Variants in PACSIN2 observed in about 807,000 individuals in gnomAD.
PACSIN2 encodes protein kinase C and casein kinase substrate in neurons protein 2.
In PACSIN2, 25 loss-of-function variants were observed where a neutral mutation model predicts 63.8. The observed-to-expected ratio is 0.39, with a 90% CI of 0.29 to 0.55. The LOEUF is 0.55. Ranked by LOEUF, PACSIN2 falls within the 20% of genes least tolerant of loss-of-function variation. The probability of loss-of-function intolerance (pLI) is 0.62; values close to 1 mark genes in which losing one functional copy is unlikely to be tolerated. For synonymous variants in PACSIN2, 255 were observed against 256.2 expected, an observed-to-expected ratio of 1.00 and a Z score of 0.05; for missense variants, 518 against 646.9, an observed-to-expected ratio of 0.80 and a Z score of 2.16.
intron 2 of PACSIN2, among the ~76,000 whole-genome samples, chr22:42,903,846 G>C (rs1297064426): frequency 6.6e-6 from 1 of 152,120 alleles, no homozygotes; most frequent in South Asian, 2.1e-4. Flanking sequence ...GGGGTTTTCA[G>C]TTCTTGCTCC....
intron 2 of PACSIN2, among the ~76,000 whole-genome samples, chr22:42,910,905 C>T (rs6002973): frequency 0.21 from 31,091 of 151,196 alleles, 5,409 homozygotes; most frequent in East Asian, 0.72. Flanking sequence ...TCAGTTAACA[C>T]ATAATTTTTT....
At chr22:42,924,519 GCAGAGTAAAAGCC>G (rs1284096416) in intron 1 of PACSIN2, among the ~76,000 whole-genome samples, 1 of 151,978 alleles carries the variant, frequency 6.6e-6, no homozygotes, top group Admixed American at 6.6e-5. Context: ...AGCCCCCCAT[GCAGAGTAAAAGCC>G]CAGGTCCTCC....
Position 42,888,891 on chromosome 22 carries a change from AAG to A in PACSIN2, c.454-95_454-94del, listed in dbSNP as rs1929692097. 6.1e-6 allele frequency: 8 copies of A among 1,314,114 alleles called. No individual in the cohort carries two copies. The East Asian group carries it at 1.8e-4, about 30-fold the overall frequency. 81.4% of individuals were successfully genotyped at this position (1,314,114 alleles called of 1,614,324 possible). ...AGACCATGGGAATGCTTGTGCTACC[AAG>A]AGGGGAGAAAAAGGCAGGTACAAAA... is the stretch of plus-strand genomic sequence containing the variant. On this transcript the variant is annotated intron_variant, in intron 4 of 10. Transcript: ENST00000263246.
At chr22:42,926,422 C>T (rs1258842618) in intron 1 of PACSIN2, among the ~76,000 whole-genome samples, 1 of 152,044 alleles carries the variant, frequency 6.6e-6, no homozygotes, top group African/African-American at 2.4e-5. Context: ...CTCATTGTTG[C>T]TATAGAAACC....
intron 1 of PACSIN2, among the ~76,000 whole-genome samples, chr22:42,963,509 A>T (rs976111552): frequency 3.3e-5 from 5 of 152,222 alleles, no homozygotes; most frequent in African/African-American, 9.7e-5. Context: ...ACAGGACAGG[A>T]TCCAGCAAGG....
At chr22:42,981,824 G>C (rs1437142341) in intron 1 of PACSIN2, among the ~76,000 whole-genome samples, 1 of 125,500 alleles carries the variant, frequency 8.0e-6, no homozygotes, top group Admixed American at 7.4e-5. Context: ...GGAGGGAGGT[G>C]GGGGGTCAGC....
chr22:42,879,148 G>C lies in PACSIN2; in HGVS notation c.928C>G (p.Arg310Gly), dbSNP rs758769216. Residue 310 changes from arginine (R) to glycine (G), a missense_variant, in exon 8 of 11, where the codon CGA becomes GGA. Physicochemically the swap from Arg to Gly is moderately radical, Grantham distance 125 (BLOSUM62 -2). This residue lies in a region of PACSIN2 where 507 missense variants were observed against 612.3 expected (regional missense o/e 0.83). Coordinates refer to ENST00000263246, the MANE Select transcript of PACSIN2 (RefSeq NM_001184970.3). The part of the protein sequence containing the change: ...QFEEWSADLN[R>G]TLSRREKKKA... The stretch of plus-strand genomic sequence containing the variant: ...TTCTTCTCTCTCCGGCTGAGGGTTC[G>C]ATTCAGGTCTGCGGACCACTCCTAG... 1.9e-6 allele frequency: 3 copies of C among 1,613,954 alleles called. No homozygotes were observed. Among genetic ancestry groups the C allele is most frequent in the Admixed American group, 1.7e-5 (1 of 60,002 alleles).
intron 1 of PACSIN2, among the ~76,000 whole-genome samples, chr22:43,011,843 C>G (rs1390340546): frequency 6.6e-6 from 1 of 152,174 alleles, no homozygotes; most frequent in Non-Finnish European, 1.5e-5. Flanking sequence ...AAAACCCCAT[C>G]TCTATTAAAA....
intron 1 of PACSIN2, among the ~76,000 whole-genome samples, chr22:42,924,602 C>T (rs1004131778): frequency 2.0e-5 from 3 of 152,070 alleles, no homozygotes; most frequent in African/African-American, 7.3e-5. Flanking sequence ...CTCTCCAACC[C>T]GCCACCACTG....
In PACSIN2 at chr22:42,889,489, CAG is replaced by C. The variant is rs138576311; in HGVS notation, c.454-693_454-692del. 2.0e-3 allele frequency among the ~76,000 whole-genome samples: 304 copies of C among 152,056 alleles called. 17 individuals carry two copies. In the East Asian group the frequency reaches 0.055, roughly 27 times the overall value. ...TTATTAGCAAAGGCCTCATGAGACA[CAG>C]ACAGTTTCATTATGAATGGGGCCAG... On this transcript the variant is annotated intron_variant, in intron 4 of 10. Transcript: ENST00000263246.
intron 2 of PACSIN2, among the ~76,000 whole-genome samples, chr22:42,907,116 C>G: frequency 6.6e-6 from 1 of 152,326 alleles, no homozygotes; most frequent in South Asian, 2.1e-4. Flanking sequence ...GGCAGGGTCA[C>G]AGATCTTTGT....
intron 3 of PACSIN2, among the ~76,000 whole-genome samples, chr22:42,892,283 G>A (rs1305074921): frequency 6.6e-6 from 1 of 152,178 alleles, no homozygotes; most frequent in African/African-American, 2.4e-5. Context: ...CACAGGGACA[G>A]TGACCAAGTG....
chr22:42,876,818 C>A (rs1322149446), intron 9 of PACSIN2, 70 bp downstream of exon 9: 2 of 1,580,028 alleles, frequency 1.3e-6, no homozygotes, highest in Non-Finnish European at 1.7e-6. Flanking sequence ...GGGTGAGACC[C>A]CTGGACAGAG....
At position 42,935,250 on chromosome 22, in the gene PACSIN2, TCA is replaced by T. The variant is rs1276038539; in HGVS notation, c.-77-23095_-77-23094del. Among the ~76,000 whole-genome samples the T allele has an allele frequency of 2.0e-5, 3 of 152,056 alleles. No individual in the cohort carries two copies. The East Asian group carries it at 5.8e-4, about 29-fold the overall frequency. ...CAGGGCATGAATTTTTTAGGAAACC[TCA>T]GAGTCCAGCAGTGTCTGCGCCATAT... On this transcript the variant is annotated intron_variant, in intron 1 of 10. Coordinates refer to ENST00000263246, the MANE Select transcript of PACSIN2 (RefSeq NM_001184970.3).
In PACSIN2 at chr22:43,010,398, A is replaced by T. The variant is rs866269815; in HGVS notation, c.-78+4623T>A. On this transcript the variant is annotated intron_variant, in intron 1 of 10. Transcript: ENST00000263246. ...TGTTTAAAAATACATATATATATATATTTTTTTTTAATTGAAAATAAAAAA... is the reference window on the plus strand; with the variant it reads ...TGTTTAAAAATACATATATATATATTTTTTTTTTTAATTGAAAATAAAAAA... 5.5e-3 allele frequency among the ~76,000 whole-genome samples: 692 copies of T among 126,394 alleles called. 16 individuals are homozygous for T. Among genetic ancestry groups the T allele is most frequent in the East Asian group, 0.016 (76 of 4,762 alleles). 82.9% of individuals were successfully genotyped at this position (126,394 alleles called of 152,430 possible). A position where few individuals can be genotyped will look rare whatever the true frequency, so the allele number is the denominator to read the frequency against.
intron 1 of PACSIN2, among the ~76,000 whole-genome samples, chr22:42,997,155 C>T (rs1000427489): frequency 2.0e-5 from 3 of 152,224 alleles, no homozygotes; most frequent in South Asian, 4.1e-4. Context: ...TCACGCTCTG[C>T]CTCCTCTGAC....
intron 1 of PACSIN2, among the ~76,000 whole-genome samples, chr22:42,962,232 A>G (rs1934161878): frequency 6.7e-6 from 1 of 148,952 alleles, no homozygotes; most frequent in Admixed American, 6.7e-5. Flanking sequence ...TGGTTATGGG[A>G]GGGCTTTTTG....
chr22:42,909,586 C>A (rs1223815892), intron 2 of PACSIN2: 5 of 471,012 alleles, frequency 1.1e-5, no homozygotes, highest in Non-Finnish European at 2.2e-5. Flanking sequence ...ATTTCAGGGA[C>A]AGCATCACAA....
At chr22:42,930,781 CA>C (rs1932766141) in intron 1 of PACSIN2, among the ~76,000 whole-genome samples, 1 of 152,138 alleles carries the variant, frequency 6.6e-6, no homozygotes, top group African/African-American at 2.4e-5. Context: ...GAAACAGAGG[CA>C]TAAGAGTGTT....
Sources: gnomAD v4.1 joint callset for allele counts (sites outside exome capture counted in the v4.1 genomes callset) on GRCh38, gnomAD v4.1.1 for gene constraint, gnomAD v4.1.1 regional missense constraint, MANE v1.5 for transcripts, NCBI Gene and HGNC (gene_info 2026-07-23, HGNC 2026-07-21) for gene names.